ZBTB20: variants seen among roughly 807,000 people sequenced by gnomAD.
ZBTB20 encodes zinc finger and BTB domain containing 20.
In ZBTB20, 9 loss-of-function variants were observed where a neutral mutation model predicts 56.9. The ratio of observed to expected loss-of-function variants is 0.16; its 90% CI spans 0.10 to 0.28. ZBTB20 has a LOEUF of 0.28. ZBTB20 is among the 10% of genes least tolerant of loss of function. ZBTB20 has a pLI of 1.00. For synonymous variants in ZBTB20, 417 were observed against 420.7 expected (o/e 0.99, Z 0.11); for missense variants, 655 against 1,003.0 (o/e 0.65, Z 4.69).
chr3:114,862,609 T>C (rs1367210422), intron 4 of ZBTB20, among the ~76,000 whole-genome samples: 1 of 152,072 alleles, frequency 6.6e-6, no homozygotes, highest in Non-Finnish European at 1.5e-5. Context: ...AGTGTACGAG[T>C]CCATGTGAAC....
At chr3:114,609,676 C>A (rs565656032) in intron 6 of ZBTB20, among the ~76,000 whole-genome samples, 2 of 152,136 alleles carry the variant, frequency 1.3e-5, no homozygotes, top group South Asian at 4.1e-4. Flanking sequence ...ACGCTTGGAG[C>A]ACAATAATTT....
intron 4 of ZBTB20, among the ~76,000 whole-genome samples, chr3:114,836,821 G>C (rs538212288): frequency 5.9e-5 from 9 of 152,134 alleles, no homozygotes; most frequent in Non-Finnish European, 1.2e-4. Flanking sequence ...CTAAACAGAA[G>C]CTAGAATTCT....
intron 1 of ZBTB20, among the ~76,000 whole-genome samples, chr3:115,082,851 C>T (rs1355228120): frequency 2.0e-5 from 3 of 152,016 alleles, no homozygotes; most frequent in Non-Finnish European, 4.4e-5. Context: ...CACAAACACA[C>T]ACATATCTGC....
At chr3:115,146,067 G>C (rs1044531589) in intron 1 of ZBTB20, among the ~76,000 whole-genome samples, 1 of 152,136 alleles carries the variant, frequency 6.6e-6, no homozygotes, top group African/African-American at 2.4e-5. Context: ...GTTCAACTTA[G>C]GTTTGGCCAA....
intron 11 of ZBTB20, among the ~76,000 whole-genome samples, chr3:114,343,064 T>G (rs1013680774): frequency 6.6e-6 from 1 of 151,782 alleles, no homozygotes; most frequent in African/African-American, 2.4e-5. Context: ...TATACGTTTT[T>G]CTCAATTTTT....
chr3:114,708,785 T>G (rs919203917), intron 5 of ZBTB20, among the ~76,000 whole-genome samples: 1 of 152,310 alleles, frequency 6.6e-6, no homozygotes, highest in African/African-American at 2.4e-5. Context: ...GAAGTGATAG[T>G]TGTGTACACA....
chr3:115,034,556 T>C (rs1307404108), intron 2 of ZBTB20, among the ~76,000 whole-genome samples: 1 of 151,838 alleles, frequency 6.6e-6, no homozygotes, highest in Non-Finnish European at 1.5e-5. Flanking sequence ...ACCAATAAAA[T>C]CTATAAAACT....
At chr3:114,575,498 T>C (rs961445447) in intron 6 of ZBTB20, among the ~76,000 whole-genome samples, 9 of 151,882 alleles carry the variant, frequency 5.9e-5, no homozygotes, top group African/African-American at 2.2e-4. Context: ...AGTTTCTTAA[T>C]CATATCAATA....
intron 10 of ZBTB20, among the ~76,000 whole-genome samples, chr3:114,358,080 A>G (rs2081432770): frequency 1.3e-5 from 2 of 152,242 alleles, no homozygotes; most frequent in South Asian, 4.1e-4. Flanking sequence ...CAGAAGAATT[A>G]GAAAACACCC....
chr3:114,629,733 C>A (rs2058837105), intron 6 of ZBTB20, among the ~76,000 whole-genome samples: 1 of 152,116 alleles, frequency 6.6e-6, no homozygotes, highest in African/African-American at 2.4e-5. Context: ...GGGTATGTGT[C>A]AGTCAGGCCC....
chr3:114,606,725 C>T lies in ZBTB20; in HGVS notation c.-295+86803G>A, dbSNP rs556599847. 5.4e-4 allele frequency among the ~76,000 whole-genome samples: 82 copies of T among 152,276 alleles called. 1 individual carries two copies. The highest frequency in any genetic ancestry group is 3.0e-3 in the Admixed American group (46 of 15,290). ...GCACTTTCTCTCTTTCCTATTTCTT[C>T]TGTTGTGCCCAGTGAAGGAGTTACT... On this transcript the variant is annotated intron_variant, in intron 6 of 11. Coordinates refer to ENST00000675478, the MANE Select transcript of ZBTB20 (RefSeq NM_001348800.3).
In ZBTB20 at chr3:114,579,543, A is replaced by T. The variant is rs140386650; in HGVS notation, c.-294-79152T>A. On this transcript the variant is annotated intron_variant, in intron 6 of 11. Coordinates refer to ENST00000675478, the MANE Select transcript of ZBTB20 (RefSeq NM_001348800.3). ...AAAAGAAAAATGGCCTAAAAATATA[A>T]AAAAAAAGAAGGAATGAAATAACGC... Among the ~76,000 whole-genome samples the T allele has an allele frequency of 3.2e-3, 479 of 151,026 alleles. 1 individual carries two copies. The highest frequency in any genetic ancestry group is 0.014 in the Middle Eastern group (4 of 292).
intron 5 of ZBTB20, among the ~76,000 whole-genome samples, chr3:114,755,893 T>C (rs915276852): frequency 8.5e-5 from 13 of 152,212 alleles, no homozygotes; most frequent in Non-Finnish European, 1.8e-4. Context: ...TATTTTCTTA[T>C]GCTTATGGAT....
intron 1 of ZBTB20, among the ~76,000 whole-genome samples, chr3:115,099,531 G>A (rs1250307398): frequency 6.6e-6 from 1 of 152,156 alleles, no homozygotes; most frequent in African/African-American, 2.4e-5. Context: ...GTTTCTATGT[G>A]TGTGATGACA....
At chr3:114,846,839 A>C (rs544798429) in intron 4 of ZBTB20, among the ~76,000 whole-genome samples, 4 of 152,292 alleles carry the variant, frequency 2.6e-5, no homozygotes, top group South Asian at 4.1e-4. Flanking sequence ...TTTCTCATAA[A>C]AGGAAAATGA....
At chr3:114,552,252 G>A (rs911737815) in intron 6 of ZBTB20, among the ~76,000 whole-genome samples, 2 of 151,916 alleles carry the variant, frequency 1.3e-5, no homozygotes, top group African/African-American at 4.8e-5. Context: ...TAGATATCCA[G>A]GTATTTATTC....
At chr3:114,399,452 G>A (rs1039483507) in intron 7 of ZBTB20, among the ~76,000 whole-genome samples, 2 of 152,102 alleles carry the variant, frequency 1.3e-5, no homozygotes, top group Admixed American at 6.5e-5. Context: ...TTCTGTGTCC[G>A]TCTTCAGTTA....
intron 3 of ZBTB20, among the ~76,000 whole-genome samples, chr3:114,940,225 C>A (rs1322862965): frequency 6.8e-6 from 1 of 146,230 alleles, no homozygotes; most frequent in Non-Finnish European, 1.5e-5. Context: ...ATAGAAAGTG[C>A]ATAATTTAAG....
At chr3:114,791,076 T>C (rs1216120815) in intron 5 of ZBTB20, among the ~76,000 whole-genome samples, 2 of 152,106 alleles carry the variant, frequency 1.3e-5, no homozygotes, top group African/African-American at 2.4e-5. Context: ...TCCATGGAAC[T>C]CTAAATATTT....
Sources: gnomAD v4.1 joint callset for allele counts (sites outside exome capture counted in the v4.1 genomes callset) on GRCh38, gnomAD v4.1.1 for gene constraint, MANE v1.5 for transcripts, NCBI Gene and HGNC (gene_info 2026-07-23, HGNC 2026-07-21) for gene names.